Variants in CLTCL1 observed in about 807,000 individuals in gnomAD.
The protein encoded by CLTCL1 is clathrin heavy chain like 1, also known as clathrin heavy chain 2.
CLTCL1 carries 159 observed loss-of-function variants against 190.0 expected under a neutral mutation model. The observed-to-expected ratio is 0.84, with a 90% CI of 0.74 to 0.95. CLTCL1 has a LOEUF of 0.95. Among genes scored for constraint, CLTCL1 ranks in the 40% least tolerant of loss-of-function variants. CLTCL1 has a pLI of 0.00. For missense variants in CLTCL1, 1,878 were observed against 2,033.4 expected (o/e 0.92, Z 1.47); for synonymous variants, 752 against 769.6 (o/e 0.98, Z 0.38).
chr22:19,207,264 G>C (rs1424353583), intron 22 of CLTCL1, among the ~76,000 whole-genome samples: 1 of 151,052 alleles, frequency 6.6e-6, no homozygotes, highest in African/African-American at 2.4e-5. Context: ...TGATCCACCC[G>C]CCTCATCCTC....
intron 1 of CLTCL1, among the ~76,000 whole-genome samples, chr22:19,288,909 G>GT (rs2146410381): frequency 6.6e-6 from 1 of 152,382 alleles, no homozygotes; most frequent in Non-Finnish European, 1.5e-5. Flanking sequence ...TCAGGAGGCA[G>GT]TAAAGTGCAG....
At chr22:19,241,336 C>G (rs1187032548) in intron 4 of CLTCL1, among the ~76,000 whole-genome samples, 1 of 152,220 alleles carries the variant, frequency 6.6e-6, no homozygotes, top group African/African-American at 2.4e-5. Flanking sequence ...CCTGCTGCAT[C>G]TGTAAAGGAG....
chr22:19,259,687 T>C (rs1455733196), intron 2 of CLTCL1, among the ~76,000 whole-genome samples: 1 of 152,174 alleles, frequency 6.6e-6, no homozygotes, highest in Non-Finnish European at 1.5e-5. Context: ...TGACTGGCCA[T>C]GCCCTAGTCC....
At chr22:19,222,839 G>A (rs782635864) in intron 14 of CLTCL1, 30 bp from the exon 15 acceptor site, 1 of 1,579,056 alleles carries the variant, frequency 6.3e-7, no homozygotes, top group East Asian at 2.3e-5. Flanking sequence ...GAACAAGTCA[G>A]GGAGTGGAGA....
intron 3 of CLTCL1, among the ~76,000 whole-genome samples, chr22:19,250,710 T>C (rs557545668): frequency 6.6e-6 from 1 of 152,056 alleles, no homozygotes; most frequent in South Asian, 2.1e-4. Context: ...CATGCCATCA[T>C]GCCTGGCTAG....
In CLTCL1 at chr22:19,229,879, G is replaced by A; in HGVS notation, c.1741C>T (p.Gln581Ter). 1 of 1,611,920 alleles carries A rather than the reference G, an allele frequency of 6.2e-7. No homozygotes were observed. The highest frequency in any genetic ancestry group is 8.5e-7 in the Non-Finnish European group (1 of 1,179,154). Reference sequence around the variant, plus strand: ...AGGTTCATCTCCAACAGCCATGTCTGCAGGAGTCCCTCAGCTGGGCGATTA... The same window carrying A: ...AGGTTCATCTCCAACAGCCATGTCTACAGGAGTCCCTCAGCTGGGCGATTA... ...KNNRPAEGLL[Q>*]TWLLEMNLVH... Residue 581 changes from glutamine to a stop codon, truncating the protein, a stop_gained, in exon 11 of 33, where the codon CAG becomes TAG. Coordinates refer to ENST00000427926, the MANE Select transcript of CLTCL1 (RefSeq NM_007098.4). LOFTEE classifies it high-confidence loss of function.
intron 1 of CLTCL1, among the ~76,000 whole-genome samples, chr22:19,284,880 G>A (rs556560770): frequency 1.2e-4 from 18 of 152,268 alleles, no homozygotes; most frequent in Non-Finnish European, 1.8e-4. Flanking sequence ...GCTTGAACCG[G>A]GGAGGCAGAG....
rs545569650 is a variant in CLTCL1 at position 19,279,296 on chromosome 22, C to T, written c.43-3466G>A. On this transcript the variant is annotated intron_variant, in intron 1 of 32. Transcript: ENST00000427926. ...GACTACAGGCATGCGCCACCACGCT[C>T]GGCTGATTTTTGTAATTTTTAGTAG... Among the ~76,000 whole-genome samples, 172 of 152,022 alleles carry T rather than the reference C, an allele frequency of 1.1e-3. 1 individual carries two copies. The highest frequency in any genetic ancestry group is 4.0e-3 in the African/African-American group (167 of 41,462).
chr22:19,239,848 C>T (rs190640991), intron 4 of CLTCL1, among the ~76,000 whole-genome samples: 190 of 152,018 alleles, frequency 1.2e-3, no homozygotes, highest in Middle Eastern at 3.4e-3. Context: ...TTGTGCTGGG[C>T]GGGGGTAAGA....
At chr22:19,273,977 G>A (rs577056836) in intron 2 of CLTCL1, among the ~76,000 whole-genome samples, 2 of 151,944 alleles carry the variant, frequency 1.3e-5, no homozygotes, top group South Asian at 2.1e-4. Context: ...TAACTATTGC[G>A]TTCTCTTTAC....
intron 2 of CLTCL1, among the ~76,000 whole-genome samples, chr22:19,266,357 A>T (rs972728607): frequency 7.9e-5 from 12 of 152,232 alleles, no homozygotes; most frequent in Admixed American, 2.6e-4. Context: ...AGAAAGACAC[A>T]AATTACCAAA....
intron 20 of CLTCL1, chr22:19,209,361 C>T: frequency 2.6e-6 from 1 of 385,170 alleles, no homozygotes; most frequent in South Asian, 6.1e-5. Flanking sequence ...ATGGAGATAG[C>T]CAGGTTAAGC....
Position 19,196,494 on chromosome 22 carries a change from G to A in CLTCL1, c.4036C>T (p.Pro1346Ser), listed in dbSNP as rs1555935781. Residue 1346 changes from proline to serine, a missense_variant, in exon 25 of 33, where the codon CCA (proline) becomes TCA (serine). Transcript: ENST00000427926. ...LELFWSRVNI[P>S]KVLRAAEQAH... is the part of the protein sequence containing the mutation. Reference sequence around the variant, plus strand: ...CTGCAAGGAGTACACGGTACCTTTGGGATGTTGACACGGGACCAGAAAAGC... The same window carrying A: ...CTGCAAGGAGTACACGGTACCTTTGAGATGTTGACACGGGACCAGAAAAGC... 1.9e-6 allele frequency: 3 copies of A among 1,614,056 alleles called. No homozygotes were observed. The highest frequency in any genetic ancestry group is 1.1e-5 in the South Asian group (1 of 91,082).
At chr22:19,197,032 A>T (rs2084733282) in intron 24 of CLTCL1, among the ~76,000 whole-genome samples, 2 of 152,026 alleles carry the variant, frequency 1.3e-5, no homozygotes, top group South Asian at 2.1e-4. Flanking sequence ...CAAACCTTCA[A>T]CTCCACTCAC....
intron 19 of CLTCL1, among the ~76,000 whole-genome samples, chr22:19,215,451 C>T (rs572123665): frequency 2.6e-5 from 4 of 152,186 alleles, no homozygotes; most frequent in Non-Finnish European, 4.4e-5. Flanking sequence ...CTGGCCCATG[C>T]GGAAGCACGC....
At chr22:19,192,063 CTTTT>C (rs782761355) in intron 26 of CLTCL1, among the ~76,000 whole-genome samples, 3 of 118,332 alleles carry the variant, frequency 2.5e-5, no homozygotes, top group Non-Finnish European at 3.4e-5. Context: ...GCGATGTCAT[CTTTT>C]TTTTTTTTTT....
At chr22:19,195,123 G>A (rs782102172) in intron 26 of CLTCL1, among the ~76,000 whole-genome samples, 1 of 152,192 alleles carries the variant, frequency 6.6e-6, no homozygotes, top group African/African-American at 2.4e-5. Context: ...TATCAGAGGA[G>A]TTACAATGTG....
At chr22:19,249,840 T>C in intron 3 of CLTCL1, 1 of 388,844 alleles carries the variant, frequency 2.6e-6, no homozygotes, top group Non-Finnish European at 5.2e-6. Flanking sequence ...TCACAAACCA[T>C]CAAAGCTGAT....
chr22:19,224,672 C>T (rs1555954699), intron 13 of CLTCL1, among the ~76,000 whole-genome samples: 1 of 152,152 alleles, frequency 6.6e-6, no homozygotes. Flanking sequence ...GAATGGGCAG[C>T]CCCTGGGCTG....
Sources: allele counts gnomAD v4.1 joint callset (sites outside exome capture counted in the v4.1 genomes callset), GRCh38; gene constraint gnomAD v4.1.1; transcripts MANE v1.5; gene names NCBI Gene and HGNC (gene_info 2026-07-23, HGNC 2026-07-21).